ATM: variants seen among roughly 807,000 people sequenced by gnomAD.
ATM encodes ATM serine/threonine kinase.
A neutral mutation model predicts 387.0 loss-of-function variants in ATM; 308 were observed. The ratio of observed to expected loss-of-function variants is 0.80; its 90% CI spans 0.73 to 0.87. ATM has a LOEUF of 0.87. Ranked by LOEUF, ATM falls within the 40% of genes least tolerant of loss-of-function variation. ATM has a pLI of 0.00. For synonymous variants in ATM, 1,156 were observed against 1,187.3 expected, an observed-to-expected ratio of 0.97 and a Z score of 0.54; for missense variants, 3,312 against 3,560.9, an observed-to-expected ratio of 0.93 and a Z score of 1.78.
rs1201879809 is a variant in ATM at position 108,319,979 on chromosome 11, C to T, written c.6373C>T (p.His2125Tyr). ...CAAAGAAGTAGAAGGAACCAGTTACCATGAATCATTGTACAATGCTCTACA... is the reference window on the plus strand; with the variant it reads ...CAAAGAAGTAGAAGGAACCAGTTACTATGAATCATTGTACAATGCTCTACA... ...VSKEVEGTSY[H>Y]ESLYNALQSL... The change falls in exon 44 of 63, where the codon CAT becomes TAT. Residue 2125 changes from histidine to tyrosine, a missense_variant. Transcript: ENST00000675843. 2 of 1,612,380 alleles carry T rather than the reference C, an allele frequency of 1.2e-6. No homozygotes were observed. Among genetic ancestry groups the T allele is most frequent in the East Asian group, 4.5e-5 (2 of 44,750 alleles).
intron 22 of ATM, among the ~76,000 whole-genome samples, chr11:108,275,772 C>G (rs957652227): frequency 2.0e-5 from 3 of 152,188 alleles, no homozygotes; most frequent in African/African-American, 7.2e-5. Context: ...GTAACCCGAC[C>G]TTTCTCTCTG....
At chr11:108,331,852 A>G (rs371525111) in intron 51 of ATM, 27 bp from the exon 52 acceptor site, 4 of 1,609,964 alleles carry the variant, frequency 2.5e-6, no homozygotes, top group Non-Finnish European at 3.4e-6. Context: ...GTTTATTTGC[A>G]TAAATCTAAT....
intron 38 of ATM, 92 bp downstream of exon 38, chr11:108,308,076 G>A: frequency 8.3e-7 from 1 of 1,202,524 alleles, no homozygotes; most frequent in Non-Finnish European, 1.2e-6. Context: ...TTTAGGTGAA[G>A]GTGTTGCAAA....
chr11:108,229,446 A>G (rs1332989629), intron 4 of ATM, 123 bp downstream of exon 4: 2 of 1,013,750 alleles, frequency 2.0e-6, no homozygotes, highest in Non-Finnish European at 2.9e-6. Flanking sequence ...ATAGAATAAG[A>G]TAAAAGTTGA....
chr11:108,307,016 T>C (rs1290302518), intron 37 of ATM, among the ~76,000 whole-genome samples: 1 of 152,240 alleles, frequency 6.6e-6, no homozygotes, highest in African/African-American at 2.4e-5. Flanking sequence ...TGAAATTCTT[T>C]CATTAAATTT....
At chr11:108,338,186 TA>T (rs1217987498) in intron 56 of ATM, among the ~76,000 whole-genome samples, 1 of 148,044 alleles carries the variant, frequency 6.8e-6, no homozygotes, top group African/African-American at 2.5e-5. Flanking sequence ...CCATCTCTAC[TA>T]AAAATACAAA....
chr11:108,348,377 TAAGA>T (rs1035191499), intron 59 of ATM, among the ~76,000 whole-genome samples: 3 of 151,452 alleles, frequency 2.0e-5, no homozygotes, highest in Admixed American at 1.3e-4. Flanking sequence ...GTTTAATATA[TAAGA>T]AAGAAAGAAT....
intron 61 of ATM, 70 bp downstream of exon 61, chr11:108,354,944 CA>C: frequency 2.3e-6 from 3 of 1,287,488 alleles, no homozygotes; most frequent in Non-Finnish European, 3.4e-6. Context: ...ATCAGGAAGT[CA>C]CTGATGTGAA....
At chr11:108,308,716 A>G in intron 38 of ATM, 1 of 325,856 alleles carries the variant, frequency 3.1e-6, no homozygotes. Context: ...AGGTGAGTGA[A>G]AAATGAAATG....
At position 108,229,847 on chromosome 11, in the gene ATM, A is replaced by AT. The variant is rs750166641; in HGVS notation, c.331+541dup. ...AGAAGTGCATCACCATGCCAGGCTG[A>AT]TTTTTTTTTTTTTTTTTAAGAGGTG... On this transcript the variant is annotated intron_variant, in intron 4 of 62. Coordinates refer to ENST00000675843, the MANE Select transcript of ATM (RefSeq NM_000051.4). 6.1e-3 allele frequency: 833 copies of AT among 136,646 alleles called. 2 individuals are homozygous for AT. The highest frequency in any genetic ancestry group is 0.013 in the South Asian group (57 of 4,282). The allele number at this position is 136,646 out of a possible 1,614,324, so 8.5% of individuals were successfully genotyped here. A position where few individuals can be genotyped will look rare whatever the true frequency, so the allele number is the denominator to read the frequency against.
chr11:108,275,013 G>T (rs566445410), intron 22 of ATM, among the ~76,000 whole-genome samples: 1 of 152,116 alleles, frequency 6.6e-6, no homozygotes, highest in Non-Finnish European at 1.5e-5. Flanking sequence ...AAGTCTCTTC[G>T]TAGGTCTAAG....
At chr11:108,286,351 A>G (rs572782647) in intron 26 of ATM, among the ~76,000 whole-genome samples, 14 of 151,806 alleles carry the variant, frequency 9.2e-5, no homozygotes, top group African/African-American at 2.9e-4. Flanking sequence ...ATTGTATAAA[A>G]CACACAAACA....
Position 108,365,975 on chromosome 11 carries a change from G to C in ATM, c.*467G>C, listed in dbSNP as rs1435766763. The C allele has an allele frequency of 1.2e-5, 2 of 169,718 alleles. No individual in the cohort carries two copies. 10.5% of individuals were successfully genotyped at this position (169,718 alleles called of 1,614,324 possible). ...ACCTGGGAGGTGAAGGTTGCTGTGG[G>C]CCAAAATCATGCCATTGCACTCCAG... is the stretch of plus-strand genomic sequence containing the variant. On this transcript the variant is annotated 3_prime_UTR_variant, in exon 63 of 63. Coordinates refer to ENST00000675843, the MANE Select transcript of ATM (RefSeq NM_000051.4).
At position 108,335,915 on chromosome 11, in the gene ATM, G is replaced by A. The variant is rs2136697607; in HGVS notation, c.8222G>A (p.Arg2741Lys). The change falls in exon 56 of 63, where the codon AGA becomes AAA. Residue 2741 changes from arginine to lysine, a missense_variant. Arg to Lys is a conservative substitution (Grantham distance 26, BLOSUM62 2). Transcript: ENST00000675843. ...VFQMCNTLLQ[R>K]NTETRKRKLT... Reference sequence around the variant, plus strand: ...CAGATGTGTAATACATTACTGCAGAGAAACACGGAAACTAGGAAGAGGAAA... The same window carrying A: ...CAGATGTGTAATACATTACTGCAGAAAAACACGGAAACTAGGAAGAGGAAA... 6.2e-7 allele frequency: 1 copy of A among 1,614,012 alleles called. No individual in the cohort carries two copies. The highest frequency in any genetic ancestry group is 8.5e-7 in the Non-Finnish European group (1 of 1,179,938).
chr11:108,257,331 A>G (rs889481325), intron 14 of ATM, 150 bp from the exon 15 acceptor site: 2 of 933,548 alleles, frequency 2.1e-6, no homozygotes, highest in South Asian at 3.4e-5. Flanking sequence ...CTGTATGACT[A>G]CGTGGAACTT....
intron 16 of ATM, among the ~76,000 whole-genome samples, chr11:108,265,341 T>C (rs1459278258): frequency 6.6e-6 from 1 of 152,088 alleles, no homozygotes; most frequent in East Asian, 1.9e-4. Context: ...TATCTACAAC[T>C]ATCTGCTCTT....
At position 108,252,797 on chromosome 11, in the gene ATM, CT is replaced by C. The variant is rs1420491228; in HGVS notation, c.1803-15del. ...ATGGCTTTTGGTCTTCTAAGTGAAG[CT>C]TTTTGTTTTTCTTTGTAGTAATTTT... On this transcript the variant is annotated intron_variant, in intron 11 of 62. Coordinates refer to ENST00000675843, the MANE Select transcript of ATM (RefSeq NM_000051.4). 2 of 1,537,344 alleles carry C rather than the reference CT, an allele frequency of 1.3e-6. No individual in the cohort carries two copies. Among genetic ancestry groups the C allele is most frequent in the Admixed American group, 1.7e-5 (1 of 59,516 alleles).
chr11:108,268,801 T>A (rs2081411047), intron 18 of ATM, among the ~76,000 whole-genome samples, 192 bp downstream of exon 18: 1 of 152,248 alleles, frequency 6.6e-6, no homozygotes, highest in African/African-American at 2.4e-5. Flanking sequence ...TGCTGAAATA[T>A]TAAAACTTAG....
intron 50 of ATM, 144 bp downstream of exon 50, chr11:108,330,565 T>C: frequency 1.2e-6 from 1 of 857,606 alleles, no homozygotes; most frequent in Non-Finnish European, 1.9e-6. Context: ...TGTAGTTTTC[T>C]AAACTTTGAT....
Sources: allele counts gnomAD v4.1 joint callset (sites outside exome capture counted in the v4.1 genomes callset), GRCh38; gene constraint gnomAD v4.1.1; transcripts MANE v1.5; gene names NCBI Gene and HGNC (gene_info 2026-07-23, HGNC 2026-07-21).